Variants in GRK4 observed in about 807,000 individuals in gnomAD.
The protein encoded by GRK4 is G protein-coupled receptor kinase 2-like.
Under a neutral mutation model 77.9 loss-of-function variants are expected in GRK4, and 73 were observed. The observed-to-expected ratio is 0.94, with a 90% CI of 0.78 to 1.14. GRK4 has a LOEUF of 1.14. GRK4 is among the 50% of genes most tolerant of loss of function. The pLI is 0.00. For missense variants in GRK4, 729 were observed against 700.2 expected, an observed-to-expected ratio of 1.04 and a Z score of -0.46; for synonymous variants, 257 against 254.4, an observed-to-expected ratio of 1.01 and a Z score of -0.10.
At chr4:2,976,982 G>A (rs921798386) in intron 1 of GRK4, among the ~76,000 whole-genome samples, 2 of 152,182 alleles carry the variant, frequency 1.3e-5, no homozygotes, top group Admixed American at 6.5e-5. Context: ...ATTAGTTGGG[G>A]GCTGTCTTGA....
intron 2 of GRK4, among the ~76,000 whole-genome samples, chr4:2,986,552 C>T (rs1724442453): frequency 6.6e-6 from 1 of 151,808 alleles, no homozygotes; most frequent in African/African-American, 2.4e-5. Flanking sequence ...GACTGGGTTT[C>T]ACCAGGTTGG....
rs1271483871 is a variant in GRK4 at position 2,963,715 on chromosome 4, G to T, written c.-356G>T. 6 of 406,032 alleles carry T rather than the reference G, an allele frequency of 1.5e-5. No homozygotes were observed. In the East Asian group the frequency reaches 2.9e-4, roughly 19 times the overall value. 25.2% of individuals were successfully genotyped at this position (406,032 alleles called of 1,614,324 possible). On this transcript the variant is annotated 5_prime_UTR_variant, in exon 1 of 16. Coordinates refer to ENST00000398052, the MANE Select transcript of GRK4 (RefSeq NM_182982.3). Reference sequence around the variant, plus strand: ...GAAGTGAGCCACGGCATTGACTCGGGGCTGCCCGGGGGCAGGGCACTGAGG... The same window carrying T: ...GAAGTGAGCCACGGCATTGACTCGGTGCTGCCCGGGGGCAGGGCACTGAGG...
At chr4:2,970,559 G>A (rs1174632045) in intron 1 of GRK4, among the ~76,000 whole-genome samples, 2 of 151,728 alleles carry the variant, frequency 1.3e-5, no homozygotes, top group African/African-American at 2.4e-5. Flanking sequence ...TCGGGAGGCT[G>A]AGGCGGGAGA....
At chr4:3,002,011 C>T (rs889501739) in intron 4 of GRK4, among the ~76,000 whole-genome samples, 3 of 152,138 alleles carry the variant, frequency 2.0e-5, no homozygotes, top group Admixed American at 6.5e-5. Context: ...TTAAGGAGAG[C>T]AGGGCCTGGG....
intron 1 of GRK4, among the ~76,000 whole-genome samples, chr4:2,975,971 T>C (rs766302696): frequency 2.6e-5 from 4 of 152,154 alleles, no homozygotes; most frequent in African/African-American, 4.8e-5. Context: ...AGATACATAG[T>C]AGCCAAATCC....
chr4:3,013,057 A>G (rs1231336342), intron 7 of GRK4, among the ~76,000 whole-genome samples: 1 of 151,366 alleles, frequency 6.6e-6, no homozygotes, highest in Non-Finnish European at 1.5e-5. Flanking sequence ...AGGCAGGAGA[A>G]TCTTGAGACG....
intron 5 of GRK4, among the ~76,000 whole-genome samples, chr4:3,005,883 T>C (rs1231852478): frequency 6.6e-6 from 1 of 151,864 alleles, no homozygotes; most frequent in East Asian, 1.9e-4. Flanking sequence ...GTGGCTTCTC[T>C]GCACACTGAG....
At chr4:2,978,720 G>A (rs921501830) in intron 1 of GRK4, among the ~76,000 whole-genome samples, 5 of 152,296 alleles carry the variant, frequency 3.3e-5, no homozygotes, top group Admixed American at 1.3e-4. Context: ...TGAGGCAGGA[G>A]GGTCGATTGG....
At chr4:2,974,882 ACT>A (rs1273078673) in intron 1 of GRK4, among the ~76,000 whole-genome samples, 2 of 152,200 alleles carry the variant, frequency 1.3e-5, no homozygotes, top group Middle Eastern at 3.4e-3. Context: ...CCTGGCAACG[ACT>A]CTGCATAATG....
chr4:2,971,315 A>G (rs1468968810), intron 1 of GRK4: 3 of 152,218 alleles, frequency 2.0e-5, no homozygotes, highest in Admixed American at 6.5e-5. Context: ...CAAACAAAAT[A>G]ATCTGTAGGA....
chr4:2,993,060 G>C (rs1456567029), intron 4 of GRK4, among the ~76,000 whole-genome samples: 1 of 152,162 alleles, frequency 6.6e-6, no homozygotes, highest in Non-Finnish European at 1.5e-5. Context: ...TTTGCATTTT[G>C]TTTGATGTCA....
chr4:2,980,266 G>A (rs1434363668), intron 1 of GRK4, among the ~76,000 whole-genome samples: 2 of 152,080 alleles, frequency 1.3e-5, no homozygotes, highest in East Asian at 3.9e-4. Flanking sequence ...CCTCCCTGGA[G>A]CCTTCACTGC....
chr4:3,037,918 CAAAA>C (rs80159278), intron 14 of GRK4, among the ~76,000 whole-genome samples: 1 of 109,944 alleles, frequency 9.1e-6, no homozygotes, highest in Non-Finnish European at 2.0e-5. Context: ...TCGTCTCACC[CAAAA>C]AAAAAAAAAA....
At chr4:2,997,813 C>T (rs1021862222) in intron 4 of GRK4, among the ~76,000 whole-genome samples, 2 of 148,428 alleles carry the variant, frequency 1.3e-5, no homozygotes, top group Non-Finnish European at 3.0e-5. Flanking sequence ...GAGGCTGAGG[C>T]AAGAGAATCA....
Position 2,987,216 on chromosome 4 carries a change from T to C in GRK4, c.149-1511T>C, listed in dbSNP as rs956779750. 4.9e-5 allele frequency: 23 copies of C among 466,986 alleles called. No homozygotes were observed. In the East Asian group the frequency reaches 1.0e-3, roughly 21 times the overall value. The allele number at this position is 466,986 out of a possible 1,614,324, so 28.9% of individuals were successfully genotyped here. A position where few individuals can be genotyped will look rare whatever the true frequency, so the allele number is the denominator to read the frequency against. On this transcript the variant is annotated intron_variant, in intron 2 of 15. Coordinates refer to ENST00000398052, the MANE Select transcript of GRK4 (RefSeq NM_182982.3). ...TCATATAAATGGGAATCATAAACTA[T>C]GTGGTCTTTTGTGACAGGCTTTTTT... is the stretch of plus-strand genomic sequence containing the variant.
chr4:2,970,895 C>T (rs938824397), intron 1 of GRK4: 1 of 151,924 alleles, frequency 6.6e-6, no homozygotes, highest in African/African-American at 2.4e-5. Context: ...TGGTCTCGAT[C>T]TCCTGACCTT....
At chr4:2,968,397 C>T (rs1718433708) in intron 1 of GRK4, among the ~76,000 whole-genome samples, 1 of 152,150 alleles carries the variant, frequency 6.6e-6, no homozygotes, top group Non-Finnish European at 1.5e-5. Flanking sequence ...TTAATGCTGT[C>T]TCTTGCTGAG....
At chr4:3,026,059 T>C (rs1313335494) in intron 10 of GRK4, among the ~76,000 whole-genome samples, 1 of 152,256 alleles carries the variant, frequency 6.6e-6, no homozygotes, top group Admixed American at 6.5e-5. Context: ...TCTCCACCGG[T>C]GCTGTTTCCG....
intron 1 of GRK4, among the ~76,000 whole-genome samples, chr4:2,972,508 C>T (rs555855777): frequency 3.2e-4 from 49 of 152,102 alleles, no homozygotes; most frequent in African/African-American, 9.9e-4. Context: ...TTCACCAGCA[C>T]GTGTGCCCCA....
Sources: gnomAD v4.1 joint callset for allele counts (sites outside exome capture counted in the v4.1 genomes callset) on GRCh38, gnomAD v4.1.1 for gene constraint, MANE v1.5 for transcripts, NCBI Gene and HGNC (gene_info 2026-07-23, HGNC 2026-07-21) for gene names.